Variants in BRIP1 observed in about 807,000 individuals in gnomAD.
BRIP1 encodes the protein Fanconi anemia group J protein.
A neutral mutation model predicts 119.7 loss-of-function variants in BRIP1; 88 were observed. The ratio of observed to expected loss-of-function variants is 0.74; its 90% CI spans 0.62 to 0.88. The LOEUF is 0.88. Ranked by LOEUF, BRIP1 falls within the 40% of genes least tolerant of loss-of-function variation. BRIP1 has a pLI of 0.00. For missense variants in BRIP1, 1,259 were observed against 1,455.4 expected (o/e 0.87, Z 2.20); for synonymous variants, 443 against 496.5 (o/e 0.89, Z 1.43).
chr17:61,771,198 T>C (rs1206375289), intron 14 of BRIP1, among the ~76,000 whole-genome samples: 1 of 152,136 alleles, frequency 6.6e-6, no homozygotes, highest in East Asian at 1.9e-4. Flanking sequence ...TCAATTTAGA[T>C]GAAATGTTCA....
In BRIP1 at chr17:61,683,201, G is replaced by T; in HGVS notation, c.*95C>A. ...TGAACATAAAATAGTTTTTTAAAAAGTATGCCACTTATTCAATTTACAAAT... is the reference window on the plus strand; with the variant it reads ...TGAACATAAAATAGTTTTTTAAAAATTATGCCACTTATTCAATTTACAAAT... On this transcript the variant is annotated 3_prime_UTR_variant, in exon 20 of 20. Coordinates refer to ENST00000259008, the MANE Select transcript of BRIP1 (RefSeq NM_032043.3). The surrounding 1 kb of genome is among the most constrained non-coding windows in gnomAD (Gnocchi z 4.7). 7.4e-7 allele frequency: 1 copy of T among 1,357,638 alleles called. No homozygotes were observed. The highest frequency in any genetic ancestry group is 1.0e-6 in the Non-Finnish European group (1 of 977,212). The allele number at this position is 1,357,638 out of a possible 1,614,324, so 84.1% of individuals were successfully genotyped here.
Position 61,818,199 on chromosome 17 carries a change from AG to A in BRIP1, c.628-9443del, listed in dbSNP as rs200884848. Reference sequence around the variant, plus strand: ...AAGACCTCATCTCTAAAAAGGGGGGAGGGGGGGGAAAGATGGGCAAGTAGGG... The same window carrying A: ...AAGACCTCATCTCTAAAAAGGGGGGAGGGGGGGAAAGATGGGCAAGTAGGG... On this transcript the variant is annotated intron_variant, in intron 6 of 19. Transcript: ENST00000259008. 5.3e-3 allele frequency among the ~76,000 whole-genome samples: 570 copies of A among 108,192 alleles called. 3 individuals carry two copies. The highest frequency in any genetic ancestry group is 0.018 in the African/African-American group (534 of 29,122). 71.0% of individuals were successfully genotyped at this position (108,192 alleles called of 152,430 possible). A position where few individuals can be genotyped will look rare whatever the true frequency, so the allele number is the denominator to read the frequency against.
In BRIP1 at chr17:61,810,821, T is replaced by C. The variant is rs1005794409; in HGVS notation, c.628-2064A>G. 1.3e-5 allele frequency among the ~76,000 whole-genome samples: 2 copies of C among 152,234 alleles called. No homozygotes were observed. Among genetic ancestry groups the C allele is most frequent in the Admixed American group, 6.5e-5 (1 of 15,286 alleles). ...TTAGTGTATAACTTACTGACCTTCA[T>C]ATATACATATCTTTCATATCTTTTT... is the stretch of plus-strand genomic sequence containing the variant. On this transcript the variant is annotated intron_variant, in intron 6 of 19. Coordinates refer to ENST00000259008, the MANE Select transcript of BRIP1 (RefSeq NM_032043.3). This position sits in a 1 kb window ranked among gnomAD's most constrained non-coding sequence, Gnocchi z 4.7.
chr17:61,857,963 C>T lies in BRIP1; in HGVS notation c.206-732G>A, dbSNP rs1323711308. The stretch of plus-strand genomic sequence containing the variant: ...CAATATATTAGATAATAATCTAACA[C>T]ATAAGGGTTAAATCATTCCCCCAAT... On this transcript the variant is annotated intron_variant, in intron 3 of 19. Transcript: ENST00000259008. The surrounding 1 kb of genome is among the most constrained non-coding windows in gnomAD (Gnocchi z 5.1). Among the ~76,000 whole-genome samples, 1 of 152,120 alleles carries T rather than the reference C, an allele frequency of 6.6e-6. No homozygotes were observed. Among genetic ancestry groups the T allele is most frequent in the African/African-American group, 2.4e-5 (1 of 41,428 alleles).
Position 61,686,151 on chromosome 17 carries a change from C to T in BRIP1, c.2590G>A (p.Val864Ile), listed in dbSNP as rs149529390. ...GAATGGTGCTGAATCTGCTGCCGTACCCATTTAGAAAGTCCTAAAGAAAAA... is the reference window on the plus strand; with the variant it reads ...GAATGGTGCTGAATCTGCTGCCGTATCCATTTAGAAAGTCCTAAAGAAAAA... ...SRYISGLSKW[V>I]RQQIQHHSTF... Residue 864 changes from valine to isoleucine, a missense_variant, in exon 19 of 20, where the codon GTA becomes ATA. Around this residue, in one of 3 missense-constraint regions of BRIP1, gnomAD observed 753 missense variants for 891.8 expected, o/e 0.84. Transcript: ENST00000259008. This position sits in a 1 kb window ranked among gnomAD's most constrained non-coding sequence, Gnocchi z 5.4. The T allele has an allele frequency of 8.7e-6, 14 of 1,613,850 alleles. No individual in the cohort carries two copies. Among genetic ancestry groups the T allele is most frequent in the Non-Finnish European group, 1.7e-6 (2 of 1,179,940 alleles).
intron 6 of BRIP1, among the ~76,000 whole-genome samples, chr17:61,829,759 C>A (rs2078461679): frequency 6.6e-6 from 1 of 151,808 alleles, no homozygotes; most frequent in Non-Finnish European, 1.5e-5. Context: ...CTAAATAAAT[C>A]TTGGGTCAGA....
intron 16 of BRIP1, among the ~76,000 whole-genome samples, chr17:61,727,685 C>T (rs1382193440): frequency 6.6e-6 from 1 of 151,896 alleles, no homozygotes; most frequent in African/African-American, 2.4e-5. Context: ...ATCATTTGAG[C>T]CCAGGAGTTT....
rs763021457 is a variant in BRIP1 at position 61,762,202 on chromosome 17, G to T, written c.2097+14199C>A. Among the ~76,000 whole-genome samples, 1 of 151,818 alleles carries T rather than the reference G, an allele frequency of 6.6e-6. No homozygotes were observed. The highest frequency in any genetic ancestry group is 1.5e-5 in the Non-Finnish European group (1 of 67,950). ...TAAGAAAATTAGATATCCACATGCA[G>T]AAGAATGAAAATGGACCCTTATCTC... On this transcript the variant is annotated intron_variant, in intron 14 of 19. Coordinates refer to ENST00000259008, the MANE Select transcript of BRIP1 (RefSeq NM_032043.3). This position sits in a 1 kb window ranked among gnomAD's most constrained non-coding sequence, Gnocchi z 4.3.
rs1376655232 is a variant in BRIP1 at position 61,806,760 on chromosome 17, C to T, written c.918+1707G>A. 6.6e-6 allele frequency among the ~76,000 whole-genome samples: 1 copy of T among 152,146 alleles called. No homozygotes were observed. ...TTGCCCAGGCTGCAGTGCAGTGGCG[C>T]GATCTTGGCTCACTGCAACCTCTGC... On this transcript the variant is annotated intron_variant, in intron 7 of 19. Coordinates refer to ENST00000259008, the MANE Select transcript of BRIP1 (RefSeq NM_032043.3). This position sits in a 1 kb window ranked among gnomAD's most constrained non-coding sequence, Gnocchi z 4.9.
rs1367797421 is a variant in BRIP1, at chr17:61,862,403, T to C, written c.-30-834A>G. Among the ~76,000 whole-genome samples, 1 of 152,192 alleles carries C rather than the reference T, an allele frequency of 6.6e-6. No homozygotes were observed. Among genetic ancestry groups the C allele is most frequent in the African/African-American group, 2.4e-5 (1 of 41,438 alleles). On this transcript the variant is annotated intron_variant, in intron 1 of 19. Transcript: ENST00000259008. The surrounding 1 kb of genome is among the most constrained non-coding windows in gnomAD (Gnocchi z 5.3). ...AGAGCTTGTTTCTCCATATATGGAA[T>C]TGAAATACTACTACTTACCTGACAG...
At position 61,828,193 on chromosome 17, in the gene BRIP1, T is replaced by A. The variant is rs940721493; in HGVS notation, c.627+18908A>T. On this transcript the variant is annotated intron_variant, in intron 6 of 19. Transcript: ENST00000259008. The surrounding 1 kb of genome is among the most constrained non-coding windows in gnomAD (Gnocchi z 4.1). ...AGATGAACGGACAAACAAAATGTGG[T>A]ATATCCATACAATGGAATATTATTC... Among the ~76,000 whole-genome samples the A allele has an allele frequency of 6.6e-6, 1 of 152,242 alleles. No homozygotes were observed.
chr17:61,707,419 CAAG>C (rs1037414656), intron 17 of BRIP1, among the ~76,000 whole-genome samples: 1 of 152,094 alleles, frequency 6.6e-6, no homozygotes, highest in East Asian at 1.9e-4. Flanking sequence ...CCCCTTCAAC[CAAG>C]AAATCGTGTT....
At position 61,695,410 on chromosome 17, in the gene BRIP1, A is replaced by G. The variant is rs1293533992; in HGVS notation, c.2493-1898T>C. ...TGTAGCTTTGTAGTAAGTTTGAAAT[A>G]GAAAACTGTTTGTTCTCCTAGTATG... On this transcript the variant is annotated intron_variant, in intron 17 of 19. Coordinates refer to ENST00000259008, the MANE Select transcript of BRIP1 (RefSeq NM_032043.3). The surrounding 1 kb of genome is among the most constrained non-coding windows in gnomAD (Gnocchi z 4.3). 2.0e-5 allele frequency among the ~76,000 whole-genome samples: 3 copies of G among 152,156 alleles called. No homozygotes were observed. The highest frequency in any genetic ancestry group is 4.4e-5 in the Non-Finnish European group (3 of 67,976).
rs896474213 is a variant in BRIP1 at position 61,804,346 on chromosome 17, A to G, written c.919-2872T>C. 1.3e-5 allele frequency among the ~76,000 whole-genome samples: 2 copies of G among 152,172 alleles called. No individual in the cohort carries two copies. Among genetic ancestry groups the G allele is most frequent in the African/African-American group, 4.8e-5 (2 of 41,436 alleles). On this transcript the variant is annotated intron_variant, in intron 7 of 19. Coordinates refer to ENST00000259008, the MANE Select transcript of BRIP1 (RefSeq NM_032043.3). The surrounding 1 kb of genome is among the most constrained non-coding windows in gnomAD (Gnocchi z 4.5). Reference sequence around the variant, plus strand: ...CCTAGTTTGCTATCCTTAACAAAAAACAACCATACATAAAATATATAAATT... The same window carrying G: ...CCTAGTTTGCTATCCTTAACAAAAAGCAACCATACATAAAATATATAAATT...
In BRIP1 at chr17:61,752,109, G is replaced by A. The variant is rs1422896014; in HGVS notation, c.2098-7518C>T. On this transcript the variant is annotated intron_variant, in intron 14 of 19. Coordinates refer to ENST00000259008, the MANE Select transcript of BRIP1 (RefSeq NM_032043.3). This position sits in a 1 kb window ranked among gnomAD's most constrained non-coding sequence, Gnocchi z 6.2. Reference sequence around the variant, plus strand: ...GTAGAAATAATGTTCTATTTCTTAAGCTGGGTGATGGATACTCAGATCTCC... The same window carrying A: ...GTAGAAATAATGTTCTATTTCTTAAACTGGGTGATGGATACTCAGATCTCC... Among the ~76,000 whole-genome samples, 2 of 152,036 alleles carry A rather than the reference G, an allele frequency of 1.3e-5. No individual in the cohort carries two copies. The highest frequency in any genetic ancestry group is 4.8e-5 in the African/African-American group (2 of 41,398).
rs563990422 is a variant in BRIP1, at chr17:61,828,600, A to G, written c.627+18501T>C. On this transcript the variant is annotated intron_variant, in intron 6 of 19. Coordinates refer to ENST00000259008, the MANE Select transcript of BRIP1 (RefSeq NM_032043.3). The surrounding 1 kb of genome is among the most constrained non-coding windows in gnomAD (Gnocchi z 4.1). ...GAAGGTAAGAAAAAAAGCTGAAAAA[A>G]TATTTGCAATGCAAATGTTAAATAA... is the stretch of plus-strand genomic sequence containing the variant. 3.3e-5 allele frequency among the ~76,000 whole-genome samples: 5 copies of G among 152,230 alleles called. No individual in the cohort carries two copies. In the South Asian group the frequency reaches 6.2e-4, roughly 19 times the overall value.
In BRIP1 at chr17:61,795,218, C is replaced by T. The variant is rs891514485; in HGVS notation, c.1341-1489G>A. ...AAGATGGGGTATCCATCCTCTCAAG[C>T]ATTAATCCTTTGTGTTACAAATAAT... On this transcript the variant is annotated intron_variant, in intron 9 of 19. Transcript: ENST00000259008. The surrounding 1 kb of genome is among the most constrained non-coding windows in gnomAD (Gnocchi z 5.6). 6.6e-6 allele frequency among the ~76,000 whole-genome samples: 1 copy of T among 152,070 alleles called. No individual in the cohort carries two copies. The highest frequency in any genetic ancestry group is 1.5e-5 in the Non-Finnish European group (1 of 67,986).
In BRIP1 at chr17:61,789,846, A is replaced by G. The variant is rs1386478272; in HGVS notation, c.1473+3751T>C. Among the ~76,000 whole-genome samples, 1 of 152,206 alleles carries G rather than the reference A, an allele frequency of 6.6e-6. No homozygotes were observed. The highest frequency in any genetic ancestry group is 1.9e-4 in the East Asian group (1 of 5,202). On this transcript the variant is annotated intron_variant, in intron 10 of 19. Coordinates refer to ENST00000259008, the MANE Select transcript of BRIP1 (RefSeq NM_032043.3). The surrounding 1 kb of genome is among the most constrained non-coding windows in gnomAD (Gnocchi z 4.8). ...TAGAAGAAGGCATAAGTAGACATAA[A>G]TCACAATGTTCACAATGTTCATCTT...
In BRIP1 at chr17:61,789,692, C is replaced by T. The variant is rs74648045; in HGVS notation, c.1473+3905G>A. Among the ~76,000 whole-genome samples, 5,063 of 151,816 alleles carry T rather than the reference C, an allele frequency of 0.033. 317 individuals are homozygous for T. Among genetic ancestry groups the T allele is most frequent in the African/African-American group, 0.12 (4,785 of 41,354 alleles). On this transcript the variant is annotated intron_variant, in intron 10 of 19. Transcript: ENST00000259008. The surrounding 1 kb of genome is among the most constrained non-coding windows in gnomAD (Gnocchi z 4.8). ...AAGTACACTCATAAAAATGCTACAC[C>T]GCAATTAAAAATTATGTGAAGGAAT...
Sources: gnomAD v4.1 joint callset for allele counts (sites outside exome capture counted in the v4.1 genomes callset) on GRCh38, gnomAD v4.1.1 for gene constraint, gnomAD v4.1.1 regional missense constraint, Gnocchi (gnomAD v3.1) non-coding constraint, MANE v1.5 for transcripts, NCBI Gene and HGNC (gene_info 2026-07-23, HGNC 2026-07-21) for gene names.